Variants in GPRC5A observed in about 807,000 individuals in gnomAD.
GPRC5A encodes retinoic acid-induced protein 3.
A neutral mutation model predicts 22.5 loss-of-function variants in GPRC5A; 19 were observed. That is an observed-to-expected ratio of 0.85 (90% confidence interval 0.59 to 1.24). The LOEUF (loss-of-function observed/expected upper bound fraction) is 1.24, where lower values mean the gene tolerates loss of function less well. GPRC5A is among the 50% of genes most tolerant of loss of function. GPRC5A has a pLI of 0.00. For synonymous variants in GPRC5A, 192 were observed against 184.5 expected, an observed-to-expected ratio of 1.04 and a Z score of -0.33; for missense variants, 471 against 451.1, an observed-to-expected ratio of 1.04 and a Z score of -0.40.
In GPRC5A at chr12:12,917,273, C is replaced by T. The variant is rs1864075802; in HGVS notation, c.*4734C>T. On this transcript the variant is annotated 3_prime_UTR_variant, in exon 4 of 4. Coordinates refer to ENST00000014914, the MANE Select transcript of GPRC5A (RefSeq NM_003979.4). ...GTGTGCGTGCGTGCGTGTATGTGCG[C>T]CTGACCCTGATTTCTGCAACCTCCA... The T allele has an allele frequency of 1.4e-5, 2 of 147,646 alleles. No homozygotes were observed. The highest frequency in any genetic ancestry group is 2.5e-5 in the African/African-American group (1 of 39,826). The allele number at this position is 147,646 out of a possible 1,614,324, so 9.1% of individuals were successfully genotyped here.
intron 1 of GPRC5A, among the ~76,000 whole-genome samples, chr12:12,905,550 G>T (rs1863932533): frequency 6.6e-6 from 1 of 152,224 alleles, no homozygotes; most frequent in African/African-American, 2.4e-5. Context: ...TAATTTGAAT[G>T]AAATTGTTGA....
rs140881303 is a variant in GPRC5A at position 12,911,347 on chromosome 12, C to A, written c.923-737C>A. On this transcript the variant is annotated intron_variant, in intron 2 of 3. Transcript: ENST00000014914. ...AGAAAACAGTTGCTCATCAATCCTG[C>A]CTCTTCCCAATGAAAATGATACAAA... 4.2e-3 allele frequency among the ~76,000 whole-genome samples: 643 copies of A among 152,278 alleles called. 8 individuals carry two copies. Among genetic ancestry groups the A allele is most frequent in the African/African-American group, 0.015 (604 of 41,538 alleles).
rs995517655 is a variant in GPRC5A at position 12,911,890 on chromosome 12, T to C, written c.923-194T>C. On this transcript the variant is annotated intron_variant, in intron 2 of 3. Coordinates refer to ENST00000014914, the MANE Select transcript of GPRC5A (RefSeq NM_003979.4). ...CTAGTCATCATAGTTATTCATTCATTCAACCAATATTGTGTTTGCTTTGTG... is the reference window on the plus strand; with the variant it reads ...CTAGTCATCATAGTTATTCATTCATCCAACCAATATTGTGTTTGCTTTGTG... 2.0e-5 allele frequency among the ~76,000 whole-genome samples: 3 copies of C among 152,320 alleles called. No individual in the cohort carries two copies. The East Asian group carries it at 5.8e-4, about 29-fold the overall frequency.
At chr12:12,910,378 TC>T (rs1419538257) in intron 2 of GPRC5A, among the ~76,000 whole-genome samples, 1 of 152,120 alleles carries the variant, frequency 6.6e-6, no homozygotes, top group Non-Finnish European at 1.5e-5. Context: ...CTCCTGTACT[TC>T]CTGTTCTCAT....
intron 1 of GPRC5A, among the ~76,000 whole-genome samples, chr12:12,905,615 A>G (rs1201067888): frequency 6.6e-5 from 10 of 152,226 alleles, no homozygotes; most frequent in Non-Finnish European, 1.3e-4. Context: ...CTTATTCGAC[A>G]TTGACTTTGG....
intron 1 of GPRC5A, among the ~76,000 whole-genome samples, chr12:12,895,324 T>A (rs1863810585): frequency 6.6e-6 from 1 of 152,080 alleles, no homozygotes; most frequent in African/African-American, 2.4e-5. Context: ...TTAACTCTTG[T>A]GTATCTTTTT....
chr12:12,899,195 C>T (rs1006452865), intron 1 of GPRC5A, among the ~76,000 whole-genome samples: 18 of 152,094 alleles, frequency 1.2e-4, no homozygotes, highest in Admixed American at 5.9e-4. Flanking sequence ...AATTAGCACC[C>T]GGCTAATTTT....
intron 1 of GPRC5A, among the ~76,000 whole-genome samples, chr12:12,906,777 G>A (rs533528105): frequency 4.7e-4 from 72 of 152,040 alleles, no homozygotes; most frequent in African/African-American, 1.6e-3. Context: ...GGAGGAGGCC[G>A]GGCACGGTGG....
chr12:12,907,061 A>C (rs1291590433), intron 1 of GPRC5A, among the ~76,000 whole-genome samples: 3 of 151,392 alleles, frequency 2.0e-5, no homozygotes, highest in Non-Finnish European at 2.9e-5. Context: ...TCTAAAAAAA[A>C]AAAAACAAAA....
chr12:12,899,473 A>G (rs1863859769), intron 1 of GPRC5A, among the ~76,000 whole-genome samples: 1 of 152,218 alleles, frequency 6.6e-6, no homozygotes, highest in Non-Finnish European at 1.5e-5. Flanking sequence ...GGAGGATTGA[A>G]TTATGATTAT....
chr12:12,900,146 G>T (rs192943235), intron 1 of GPRC5A, among the ~76,000 whole-genome samples: 138 of 152,342 alleles, frequency 9.1e-4, no homozygotes, highest in African/African-American at 3.1e-3. Flanking sequence ...CTCTGGCTTT[G>T]TCCTTCAGGT....
In GPRC5A at chr12:12,909,034, G is replaced by A; in HGVS notation, c.785G>A (p.Ser262Asn). 6.2e-7 allele frequency: 1 copy of A among 1,613,002 alleles called. No individual in the cohort carries two copies. The highest frequency in any genetic ancestry group is 8.5e-7 in the Non-Finnish European group (1 of 1,180,024). The change falls in exon 2 of 4, where the codon AGT (serine) becomes AAT (asparagine). Residue 262 changes from serine (S) to asparagine (N), a missense_variant. Ser to Asn is a conservative substitution (Grantham distance 46). Coordinates refer to ENST00000014914, the MANE Select transcript of GPRC5A (RefSeq NM_003979.4). ...TGGGTGTTCCTGTTGGCTTATGTTA[G>A]TCCCGAGTTTTGGCTGCTCACAAAG... Reference protein sequence around the residue: ...NGWVFLLAYVSPEFWLLTKQR... With the variant: ...NGWVFLLAYVNPEFWLLTKQR...
At chr12:12,901,572 C>T (rs138535765) in intron 1 of GPRC5A, among the ~76,000 whole-genome samples, 2 of 152,138 alleles carry the variant, frequency 1.3e-5, no homozygotes, top group East Asian at 3.9e-4. Context: ...ACTTACTGAG[C>T]ATCAGGTGCT....
At chr12:12,896,788 T>C (rs755750661) in intron 1 of GPRC5A, among the ~76,000 whole-genome samples, 2 of 152,180 alleles carry the variant, frequency 1.3e-5, no homozygotes, top group Non-Finnish European at 2.9e-5. Flanking sequence ...TCCTAGGAGA[T>C]AGATGCCACA....
At chr12:12,906,851 A>G (rs1863946693) in intron 1 of GPRC5A, among the ~76,000 whole-genome samples, 1 of 151,976 alleles carries the variant, frequency 6.6e-6, no homozygotes, top group Non-Finnish European at 1.5e-5. Context: ...TGAGGTCGGG[A>G]GTTTGAGACC....
intron 1 of GPRC5A, among the ~76,000 whole-genome samples, chr12:12,903,317 A>G (rs1863909052): frequency 6.6e-6 from 1 of 152,048 alleles, no homozygotes; most frequent in Non-Finnish European, 1.5e-5. Context: ...GTCTTATTCT[A>G]TCTCCCAGGC....
At chr12:12,897,227 T>TAA (rs5796515) in intron 1 of GPRC5A, among the ~76,000 whole-genome samples, 25,811 of 87,904 alleles carry the variant, frequency 0.29, 4,353 homozygotes, top group African/African-American at 0.35. Context: ...GACCCTGTCT[T>TAA]AAAAAAAAAA....
Position 12,915,804 on chromosome 12 carries a change from C to T in GPRC5A, c.*3265C>T. ...GTGCTGGGATTACAGGCATGAGCCA[C>T]CGCGCCCGGCCCCGTTGTTTCCCTT... On this transcript the variant is annotated 3_prime_UTR_variant, in exon 4 of 4. Transcript: ENST00000014914. 2.0e-6 allele frequency: 1 copy of T among 505,358 alleles called. No homozygotes were observed. The highest frequency in any genetic ancestry group is 4.1e-6 in the Non-Finnish European group (1 of 242,444). The allele number at this position is 505,358 out of a possible 1,614,324, so 31.3% of individuals were successfully genotyped here. A position where few individuals can be genotyped will look rare whatever the true frequency, so the allele number is the denominator to read the frequency against.
rs1324433754 is a variant in GPRC5A, at chr12:12,908,247, A to T, written c.-3A>T. On this transcript the variant is annotated 5_prime_UTR_variant, in exon 2 of 4. Transcript: ENST00000014914. The stretch of plus-strand genomic sequence containing the variant: ...TCCAACATTCCTTTTCTGCAGGTCC[A>T]GAATGGCTACAACAGTCCCTGATGG... The T allele has an allele frequency of 6.4e-7, 1 of 1,560,922 alleles. No individual in the cohort carries two copies. The highest frequency in any genetic ancestry group is 2.2e-5 in the East Asian group (1 of 44,460).
Sources: allele counts gnomAD v4.1 joint callset (sites outside exome capture counted in the v4.1 genomes callset), GRCh38; gene constraint gnomAD v4.1.1; transcripts MANE v1.5; gene names NCBI Gene and HGNC (gene_info 2026-07-23, HGNC 2026-07-21).